PKIB: variants seen among roughly 807,000 people sequenced by gnomAD.
PKIB encodes the protein PKI-beta.
In PKIB, 2 loss-of-function variants were observed where a neutral mutation model predicts 4.5. That is an observed-to-expected ratio of 0.44 (90% CI 0.18 to 1.39). The LOEUF (loss-of-function observed/expected upper bound fraction) is 1.39, where lower values mean the gene tolerates loss of function less well. Ranked by LOEUF, PKIB falls within the 40% of genes most tolerant of loss-of-function variation. The pLI is 0.27. For synonymous variants in PKIB, 38 were observed against 36.0 expected, an observed-to-expected ratio of 1.06 and a Z score of -0.20; for missense variants, 94 against 92.6, an observed-to-expected ratio of 1.02 and a Z score of -0.06.
At chr6:122,500,690 G>A (rs191834714) in intron 2 of PKIB, among the ~76,000 whole-genome samples, 1 of 152,258 alleles carries the variant, frequency 6.6e-6, no homozygotes, top group East Asian at 1.9e-4. Context: ...TTTTGCATGA[G>A]TTATATGTTG....
At chr6:122,642,342 C>G (rs373747541) in intron 2 of PKIB, among the ~76,000 whole-genome samples, 2 of 152,132 alleles carry the variant, frequency 1.3e-5, no homozygotes, top group African/African-American at 4.8e-5. Context: ...TTGCATGGGG[C>G]AAGAGATAGA....
chr6:122,685,336 A>G (rs7742148), intron 3 of PKIB, among the ~76,000 whole-genome samples: 74,613 of 151,890 alleles, frequency 0.49, 19,129 homozygotes, highest in Non-Finnish European at 0.58. Context: ...TTTTAAAAAG[A>G]ATTAAAAGAA....
intron 3 of PKIB, among the ~76,000 whole-genome samples, chr6:122,694,454 G>A (rs899484414): frequency 1.3e-5 from 2 of 151,974 alleles, no homozygotes; most frequent in Admixed American, 6.6e-5. Flanking sequence ...CATCTCCCAC[G>A]TTAAGATTTG....
intron 2 of PKIB, among the ~76,000 whole-genome samples, chr6:122,645,928 T>G (rs1281424572): frequency 1.3e-5 from 2 of 151,994 alleles, no homozygotes; most frequent in Non-Finnish European, 2.9e-5. Flanking sequence ...ACTTTATTAC[T>G]GATGAAGAGA....
chr6:122,475,297 A>G (rs1775424738), intron 1 of PKIB, among the ~76,000 whole-genome samples: 1 of 152,290 alleles, frequency 6.6e-6, no homozygotes, highest in Non-Finnish European at 1.5e-5. Context: ...CAGAAACCAC[A>G]TCTTCAGCAT....
chr6:122,518,698 G>T (rs914087359), intron 2 of PKIB, among the ~76,000 whole-genome samples: 10 of 152,128 alleles, frequency 6.6e-5, no homozygotes, highest in African/African-American at 2.2e-4. Context: ...TGTACCTATT[G>T]TTATAACCAT....
chr6:122,678,347 C>A (rs80077761), intron 3 of PKIB, among the ~76,000 whole-genome samples: 198 of 152,270 alleles, frequency 1.3e-3, no homozygotes, highest in African/African-American at 4.7e-3. Flanking sequence ...CTCATACTCA[C>A]CTGGACAGGA....
At chr6:122,591,598 C>G (rs1007150778) in intron 3 of PKIB, among the ~76,000 whole-genome samples, 1 of 152,230 alleles carries the variant, frequency 6.6e-6, no homozygotes, top group Admixed American at 6.5e-5. Flanking sequence ...TAATTCAATA[C>G]ATTAGTATGA....
chr6:122,495,358 T>G (rs929556401), intron 2 of PKIB, among the ~76,000 whole-genome samples: 3 of 152,046 alleles, frequency 2.0e-5, no homozygotes, highest in African/African-American at 7.2e-5. Context: ...CCTGAACATT[T>G]CACCTGTGGT....
At chr6:122,639,677 G>A (rs7744452) in intron 2 of PKIB, among the ~76,000 whole-genome samples, 38,828 of 152,032 alleles carry the variant, frequency 0.26, 5,443 homozygotes, top group East Asian at 0.37. Flanking sequence ...CTTCAATTAC[G>A]TGAGAAATAT....
chr6:122,547,798 A>G (rs925342711), intron 2 of PKIB, among the ~76,000 whole-genome samples: 2 of 152,130 alleles, frequency 1.3e-5, no homozygotes, highest in African/African-American at 4.8e-5. Flanking sequence ...TTTACAAACA[A>G]TAGTGGCTCC....
intron 4 of PKIB, among the ~76,000 whole-genome samples, chr6:122,718,753 A>T (rs1779607280): frequency 6.6e-6 from 1 of 152,166 alleles, no homozygotes; most frequent in Non-Finnish European, 1.5e-5. Flanking sequence ...CCGGGAGCCC[A>T]AGAAGAAGGC....
chr6:122,497,300 T>C (rs752006450), intron 2 of PKIB, among the ~76,000 whole-genome samples: 37 of 152,276 alleles, frequency 2.4e-4, no homozygotes, highest in Non-Finnish European at 3.2e-4. Flanking sequence ...ACAGAACCTA[T>C]ACAACAACTA....
At chr6:122,554,130 C>T (rs1189416864) in intron 2 of PKIB, among the ~76,000 whole-genome samples, 1 of 152,168 alleles carries the variant, frequency 6.6e-6, no homozygotes, top group African/African-American at 2.4e-5. Flanking sequence ...TACTACAGAG[C>T]TGGCATTTCC....
chr6:122,722,297 A>T (rs1779776578), intron 4 of PKIB, among the ~76,000 whole-genome samples: 1 of 152,150 alleles, frequency 6.6e-6, no homozygotes, highest in Admixed American at 6.5e-5. Context: ...ATTACAAAGC[A>T]AAAAATGAGA....
At chr6:122,532,862 G>A (rs1418692466) in intron 2 of PKIB, among the ~76,000 whole-genome samples, 2 of 152,120 alleles carry the variant, frequency 1.3e-5, no homozygotes, top group African/African-American at 2.4e-5. Context: ...ATTCTTTTGA[G>A]TATATACCCA....
At chr6:122,599,363 G>C (rs972749914) in intron 3 of PKIB, among the ~76,000 whole-genome samples, 1 of 152,152 alleles carries the variant, frequency 6.6e-6, no homozygotes, top group Non-Finnish European at 1.5e-5. Context: ...CAAGTTGCAG[G>C]GTCCCATTCT....
At chr6:122,536,547 G>C (rs538133265) in intron 2 of PKIB, among the ~76,000 whole-genome samples, 20 of 152,244 alleles carry the variant, frequency 1.3e-4, no homozygotes, top group African/African-American at 4.8e-4. Flanking sequence ...GACCAGCAGT[G>C]AATGTGATAA....
chr6:122,686,309 G>A (rs1398463051), intron 3 of PKIB, among the ~76,000 whole-genome samples: 2 of 151,994 alleles, frequency 1.3e-5, no homozygotes, highest in Non-Finnish European at 2.9e-5. Context: ...ATCCTCACCA[G>A]CATTTGTTAT....
Sources: gnomAD v4.1 joint callset for allele counts (sites outside exome capture counted in the v4.1 genomes callset) on GRCh38, gnomAD v4.1.1 for gene constraint, MANE v1.5 for transcripts, NCBI Gene and HGNC (gene_info 2026-07-23, HGNC 2026-07-21) for gene names.